The following NOD1 variants were observed in gnomAD, a reference collection of about 807,000 sequenced individuals.
NOD1 encodes nucleotide binding oligomerization domain containing 1.
A neutral mutation model predicts 81.2 loss-of-function variants in NOD1; 70 were observed. That is an observed-to-expected ratio of 0.86 (90% CI 0.71 to 1.05). The LOEUF is 1.05. Ranked by LOEUF, NOD1 falls within the 50% of genes least tolerant of loss-of-function variation. The pLI is 0.00. For missense variants in NOD1, 1,233 were observed against 1,228.0 expected (o/e 1.00, Z -0.06); for synonymous variants, 508 against 526.9 (o/e 0.96, Z 0.49).
At chr7:30,464,422 C>A (rs1235643875) in intron 1 of NOD1, among the ~76,000 whole-genome samples, 2 of 152,242 alleles carry the variant, frequency 1.3e-5, no homozygotes, top group African/African-American at 4.8e-5. Context: ...CTGAGCACTT[C>A]CTCATGTCCG....
Position 30,478,732 on chromosome 7 carries a change from G to T in NOD1, c.-478C>A, listed in dbSNP as rs1185751559. On this transcript the variant is annotated 5_prime_UTR_variant, in exon 1 of 14. Coordinates refer to ENST00000222823, the MANE Select transcript of NOD1 (RefSeq NM_006092.4). This position sits in a 1 kb window ranked among gnomAD's most constrained non-coding sequence, Gnocchi z 4.1. ...GGGAGGACGCTGCTCCCGCAGTAGCGCGAGGGAGGGGCAGGACCGGGGCGG... is the reference window on the plus strand; with the variant it reads ...GGGAGGACGCTGCTCCCGCAGTAGCTCGAGGGAGGGGCAGGACCGGGGCGG... The T allele has an allele frequency of 1.3e-5, 2 of 152,318 alleles. No homozygotes were observed. Among genetic ancestry groups the T allele is most frequent in the East Asian group, 3.8e-4 (2 of 5,204 alleles). The allele number at this position is 152,318 out of a possible 1,614,324, so 9.4% of individuals were successfully genotyped here. A position where few individuals can be genotyped will look rare whatever the true frequency, so the allele number is the denominator to read the frequency against.
rs116880608 is a variant in NOD1 at position 30,468,738 on chromosome 7, T to C, written c.-351-8697A>G. On this transcript the variant is annotated intron_variant, in intron 1 of 13. Coordinates refer to ENST00000222823, the MANE Select transcript of NOD1 (RefSeq NM_006092.4). Reference sequence around the variant, plus strand: ...CAACCCCCAACATAACTGGCACACATATACCCATGAATGGGGACCACATCT... The same window carrying C: ...CAACCCCCAACATAACTGGCACACACATACCCATGAATGGGGACCACATCT... 1.8e-4 allele frequency: 146 copies of C among 810,674 alleles called. 4 individuals are homozygous for C. The East Asian group carries it at 0.015, about 81-fold the overall frequency. The allele number at this position is 810,674 out of a possible 1,614,324, so 50.2% of individuals were successfully genotyped here. A position where few individuals can be genotyped will look rare whatever the true frequency, so the allele number is the denominator to read the frequency against.
At chr7:30,470,455 G>C (rs730360) in intron 1 of NOD1, among the ~76,000 whole-genome samples, 25,341 of 152,182 alleles carry the variant, frequency 0.17, 2,262 homozygotes, top group Admixed American at 0.23. Context: ...GAATCTGGCC[G>C]GGTGCACTGC....
chr7:30,473,855 T>C (rs1788515457), intron 1 of NOD1, among the ~76,000 whole-genome samples: 1 of 152,208 alleles, frequency 6.6e-6, no homozygotes, highest in South Asian at 2.1e-4. Context: ...GGATAGACTT[T>C]GGGCTAGTTA....
At chr7:30,448,252 G>T in intron 7 of NOD1, 46 bp downstream of exon 7, 2 of 1,423,076 alleles carry the variant, frequency 1.4e-6, no homozygotes, top group Non-Finnish European at 2.0e-6. Context: ...CTGCAGCTCT[G>T]TATTATTACT....
rs1785812911 is a variant in NOD1 at position 30,452,209 on chromosome 7, T to G, written c.1208A>C (p.His403Pro). 2 of 1,613,832 alleles carry G rather than the reference T, an allele frequency of 1.2e-6. No individual in the cohort carries two copies. Among genetic ancestry groups the G allele is most frequent in the African/African-American group, 1.3e-5 (1 of 75,024 alleles). ...FCWIIFRCFQHFRAAFEGSPQ... is the reference protein window; with the variant it reads ...FCWIIFRCFQPFRAAFEGSPQ... ...TGAGCCTTCAAAGGCAGCACGGAAG[T>G]GCTGGAAGCACCGGAAGATGATCCA... The change falls in exon 6 of 14, where the codon CAC becomes CCC. Residue 403 changes from histidine (H) to proline (P), a missense_variant. His to Pro is a moderately conservative substitution (Grantham distance 77). Transcript: ENST00000222823.
rs532312927 is a variant in NOD1 at position 30,477,600 on chromosome 7, T to C, written c.-352+1006A>G. On this transcript the variant is annotated intron_variant, in intron 1 of 13. Transcript: ENST00000222823. The stretch of plus-strand genomic sequence containing the variant: ...GGCGATCTCGGCTCACTGCAACCTC[T>C]GCCTCCCGGGTTCAAGCAATTCTCC... 3.3e-5 allele frequency among the ~76,000 whole-genome samples: 5 copies of C among 152,234 alleles called. No individual in the cohort carries two copies. The South Asian group carries it at 6.2e-4, about 19-fold the overall frequency.
At position 30,436,025 on chromosome 7, in the gene NOD1, T is replaced by A. The variant is rs755181305; in HGVS notation, c.2594A>T (p.Gln865Leu). 5.4e-5 allele frequency: 87 copies of A among 1,614,012 alleles called. No individual in the cohort carries two copies. Among genetic ancestry groups the A allele is most frequent in the Non-Finnish European group, 6.9e-5 (81 of 1,179,964 alleles). The change falls in exon 11 of 14, where the codon CAG becomes CTG. Residue 865 changes from glutamine to leucine, a missense_variant. By Grantham distance (113) the Gln-to-Leu change is moderately radical. Transcript: ENST00000222823. Reference sequence around the variant, plus strand: ...CAGTATTTCTAGAGACGTGTTCTGCTGCAGGGCCCTCGCAAGGCTCTTTCC... The same window carrying A: ...CAGTATTTCTAGAGACGTGTTCTGCAGCAGGGCCCTCGCAAGGCTCTTTCC... ...EGGKSLARAL[Q>L]QNTSLEILWL...
chr7:30,451,662 G>C lies in NOD1; in HGVS notation c.1755C>G (p.Phe585Leu). 1 of 1,613,964 alleles carries C rather than the reference G, an allele frequency of 6.2e-7. No individual in the cohort carries two copies. Among genetic ancestry groups the C allele is most frequent in the African/African-American group, 1.3e-5 (1 of 75,048 alleles). The change falls in exon 6 of 14, where the codon TTC (phenylalanine) becomes TTG (leucine). Residue 585 changes from phenylalanine (F) to leucine (L), a missense_variant. By Grantham distance (22) the Phe-to-Leu change is conservative. Transcript: ENST00000222823. This position sits in a 1 kb window ranked among gnomAD's most constrained non-coding sequence, Gnocchi z 4.2. ...REDLFKNKDH[F>L]QFTNLFLCGL... is the part of the protein sequence containing the mutation. Reference sequence around the variant, plus strand: ...CGCACAGGAAGAGGTTGGTGAACTGGAAGTGATCCTTGTTCTTGAAGAGGT... The same window carrying C: ...CGCACAGGAAGAGGTTGGTGAACTGCAAGTGATCCTTGTTCTTGAAGAGGT...
Position 30,452,339 on chromosome 7 carries a change from AGGCGCGCAGGT to A in NOD1, c.1067_1077del (p.His356LeufsTer50). The A allele has an allele frequency of 6.2e-7, 1 of 1,613,396 alleles. No individual in the cohort carries two copies. The highest frequency in any genetic ancestry group is 8.5e-7 in the Non-Finnish European group (1 of 1,180,006). ...CGCTCGGGGAACATCCTCCTGGCAT[AGGCGCGCAGGT>A]GGCTGGGGGAGAAGCCCCGGAGAAG... On this transcript the variant is annotated frameshift_variant, in exon 6 of 14. Coordinates refer to ENST00000222823, the MANE Select transcript of NOD1 (RefSeq NM_006092.4). LOFTEE classifies it high-confidence loss of function.
intron 11 of NOD1, among the ~76,000 whole-genome samples, chr7:30,434,645 C>G (rs1418554139): frequency 6.6e-6 from 1 of 152,206 alleles, no homozygotes; most frequent in African/African-American, 2.4e-5. Flanking sequence ...AAGGGAGGTA[C>G]TTTCACTTCC....
At chr7:30,426,887 T>C (rs1156657095) in intron 13 of NOD1, among the ~76,000 whole-genome samples, 3 of 152,204 alleles carry the variant, frequency 2.0e-5, no homozygotes, top group Non-Finnish European at 4.4e-5. Flanking sequence ...CATGGCTTAG[T>C]GTAAGTGCTG....
intron 11 of NOD1, among the ~76,000 whole-genome samples, chr7:30,434,179 G>A (rs962531076): frequency 3.9e-5 from 6 of 152,174 alleles, no homozygotes; most frequent in Non-Finnish European, 7.3e-5. Context: ...AGTTCTTTGG[G>A]TCTGAGTTTT....
Position 30,452,568 on chromosome 7 carries a change from GA to G in NOD1, c.848del (p.Phe283SerfsTer13). On this transcript the variant is annotated frameshift_variant, in exon 6 of 14. Transcript: ENST00000222823. LOFTEE classifies it high-confidence loss of function. ...LRFPHVALFT[F>X]DGLDELHSDL... ...CCGAGTGCAGCTCGTCCAGGCCATC[GA>G]AGGTGAAGAGGGCCACGTGGGGGAA... 1 of 1,613,406 alleles carries G rather than the reference GA, an allele frequency of 6.2e-7. No homozygotes were observed. Among genetic ancestry groups the G allele is most frequent in the Non-Finnish European group, 8.5e-7 (1 of 1,180,004 alleles).
intron 1 of NOD1, among the ~76,000 whole-genome samples, chr7:30,472,265 CT>C (rs1183718207): frequency 1.3e-5 from 2 of 152,190 alleles, no homozygotes; most frequent in African/African-American, 4.8e-5. Context: ...CCCTCCTGGG[CT>C]TGGGCCTTAC....
In NOD1 at chr7:30,447,057, G is replaced by C; in HGVS notation, c.2286-7C>G. On this transcript the variant is annotated splice_region_variant and splice_polypyrimidine_tract_variant and intron_variant, in intron 7 of 13. Transcript: ENST00000222823. ...GATCTGGTTGTTGTATAAACTTCAA[G>C]AGAAAGCACAGCCATGAGACTTTCT... is the stretch of plus-strand genomic sequence containing the variant. The C allele has an allele frequency of 1.2e-6, 2 of 1,613,962 alleles. No individual in the cohort carries two copies. Among genetic ancestry groups the C allele is most frequent in the Non-Finnish European group, 1.7e-6 (2 of 1,179,832 alleles).
At chr7:30,427,959 A>T (rs564398976) in intron 13 of NOD1, among the ~76,000 whole-genome samples, 1 of 152,290 alleles carries the variant, frequency 6.6e-6, no homozygotes, top group African/African-American at 2.4e-5. Flanking sequence ...ACCCATGCAA[A>T]CAGTTCCAGT....
At chr7:30,469,412 C>G (rs1307926737) in intron 1 of NOD1, among the ~76,000 whole-genome samples, 1 of 152,186 alleles carries the variant, frequency 6.6e-6, no homozygotes, top group African/African-American at 2.4e-5. Flanking sequence ...CCTACTCCCT[C>G]TTCCCTCCCT....
rs747020735 is a variant in NOD1, at chr7:30,453,016, C to T, written c.401G>A (p.Arg134Gln). 2.3e-5 allele frequency: 37 copies of T among 1,611,146 alleles called. No homozygotes were observed. Among genetic ancestry groups the T allele is most frequent in the Non-Finnish European group, 2.9e-5 (34 of 1,178,568 alleles). ...CTTGGAGTCACGGCCCAGATGGTGT[C>T]GCAGCTGCTGGGTATACCTGCTCAC... The part of the protein sequence containing the change: ...DPVSRYTQQL[R>Q]HHLGRDSKFV... The change falls in exon 6 of 14, where the codon CGA becomes CAA. Residue 134 changes from arginine (R) to glutamine (Q), a missense_variant. Physicochemically the swap from Arg to Gln is conservative, Grantham distance 43. Coordinates refer to ENST00000222823, the MANE Select transcript of NOD1 (RefSeq NM_006092.4).
Sources: allele counts gnomAD v4.1 joint callset (sites outside exome capture counted in the v4.1 genomes callset), GRCh38; gene constraint gnomAD v4.1.1; non-coding constraint Gnocchi (gnomAD v3.1); transcripts MANE v1.5; gene names NCBI Gene and HGNC (gene_info 2026-07-23, HGNC 2026-07-21).